Variants in PHACTR1 observed in about 807,000 individuals in gnomAD.
The protein encoded by PHACTR1 is phosphatase and actin regulator 1.
In PHACTR1, 16 loss-of-function variants were observed where a neutral mutation model predicts 69.2. The observed-to-expected ratio is 0.23, with a 90% CI of 0.16 to 0.35. The LOEUF (loss-of-function observed/expected upper bound fraction) is 0.35. Among genes scored for constraint, PHACTR1 ranks in the 10% least tolerant of loss-of-function variants. PHACTR1 has a pLI of 1.00. For missense variants in PHACTR1, 510 were observed against 734.7 expected (o/e 0.69, Z 3.54); for synonymous variants, 312 against 284.5 (o/e 1.10, Z -0.97).
intron 5 of PHACTR1, among the ~76,000 whole-genome samples, chr6:13,100,931 A>G (rs973236453): frequency 6.6e-6 from 1 of 152,226 alleles, no homozygotes; most frequent in African/African-American, 2.4e-5. Flanking sequence ...AGTATACAGT[A>G]CATTAGAATT....
At chr6:12,982,636 G>C (rs897599764) in intron 4 of PHACTR1, among the ~76,000 whole-genome samples, 1 of 152,158 alleles carries the variant, frequency 6.6e-6, no homozygotes, top group Non-Finnish European at 1.5e-5. Flanking sequence ...CTGGGTGACA[G>C]AGCAAGACTC....
chr6:13,246,529 T>A lies in PHACTR1; in HGVS notation c.1391+16336T>A, dbSNP rs2127386491. On this transcript the variant is annotated intron_variant, in intron 10 of 14. Coordinates refer to ENST00000332995, the MANE Select transcript of PHACTR1 (RefSeq NM_030948.6). This position sits in a 1 kb window ranked among gnomAD's most constrained non-coding sequence, Gnocchi z 4.2. Reference sequence around the variant, plus strand: ...TTAATTTAGAGTTGGCCTATTCTTGTGATTCTTTCAAATGATAAGTGAAAC... The same window carrying A: ...TTAATTTAGAGTTGGCCTATTCTTGAGATTCTTTCAAATGATAAGTGAAAC... Among the ~76,000 whole-genome samples the A allele has an allele frequency of 6.6e-6, 1 of 152,372 alleles. No homozygotes were observed. The highest frequency in any genetic ancestry group is 2.1e-4 in the South Asian group (1 of 4,834).
chr6:12,921,891 G>A (rs887229079), intron 4 of PHACTR1, among the ~76,000 whole-genome samples: 1 of 121,176 alleles, frequency 8.3e-6, no homozygotes, highest in Admixed American at 8.6e-5. Context: ...GCTGTGTATT[G>A]CATCTCAGTG....
chr6:13,087,437 A>G (rs1039304341), intron 5 of PHACTR1, among the ~76,000 whole-genome samples: 1 of 151,800 alleles, frequency 6.6e-6, no homozygotes, highest in Admixed American at 6.6e-5. Flanking sequence ...CTTGCAACAT[A>G]GATGAAATAT....
chr6:12,773,239 A>T (rs187501744), intron 4 of PHACTR1, among the ~76,000 whole-genome samples: 1 of 152,328 alleles, frequency 6.6e-6, no homozygotes, highest in Non-Finnish European at 1.5e-5. Flanking sequence ...TGGTAATTTC[A>T]GCTCAATTTT....
At chr6:12,888,764 C>A (rs1343252104) in intron 4 of PHACTR1, among the ~76,000 whole-genome samples, 1 of 152,156 alleles carries the variant, frequency 6.6e-6, no homozygotes, top group East Asian at 1.9e-4. Flanking sequence ...ATATGTATTT[C>A]TCTCTCACGT....
chr6:13,212,833 G>A (rs932068921), intron 8 of PHACTR1, among the ~76,000 whole-genome samples: 4 of 152,078 alleles, frequency 2.6e-5, no homozygotes, highest in Non-Finnish European at 4.4e-5. Context: ...CACCTGCCTC[G>A]GGTCTCTACT....
intron 7 of PHACTR1, among the ~76,000 whole-genome samples, chr6:13,193,643 C>T (rs545426198): frequency 2.2e-4 from 33 of 152,024 alleles, no homozygotes; most frequent in Non-Finnish European, 3.2e-4. Flanking sequence ...CTGCCTCAGC[C>T]TCCCAAGTAA....
intron 7 of PHACTR1, among the ~76,000 whole-genome samples, chr6:13,185,764 G>A (rs1762753968): frequency 6.6e-6 from 1 of 152,140 alleles, no homozygotes; most frequent in African/African-American, 2.4e-5. Context: ...GATGCTGATC[G>A]ACTGCCTTTT....
chr6:13,085,202 G>A (rs573215973), intron 5 of PHACTR1, among the ~76,000 whole-genome samples: 4 of 151,678 alleles, frequency 2.6e-5, no homozygotes, highest in African/African-American at 4.8e-5. Context: ...TGGAAATCCC[G>A]TTATAATCTC....
At chr6:12,729,751 T>A (rs541614954) in intron 3 of PHACTR1, among the ~76,000 whole-genome samples, 5 of 152,222 alleles carry the variant, frequency 3.3e-5, no homozygotes, top group African/African-American at 1.2e-4. Context: ...AGGAGAGGCA[T>A]CAGGAGGCTA....
chr6:12,920,126 C>T (rs1305142334), intron 4 of PHACTR1, among the ~76,000 whole-genome samples: 2 of 152,154 alleles, frequency 1.3e-5, no homozygotes, highest in Non-Finnish European at 2.9e-5. Flanking sequence ...GCTGTTGTTA[C>T]TGTTAACAGA....
At chr6:13,143,470 C>T (rs1284687650) in intron 5 of PHACTR1, among the ~76,000 whole-genome samples, 1 of 152,156 alleles carries the variant, frequency 6.6e-6, no homozygotes, top group East Asian at 1.9e-4. Flanking sequence ...TCTTCTCGAA[C>T]TGTGTGTGCA....
In PHACTR1 at chr6:12,902,977, G is replaced by A. The variant is rs997896708; in HGVS notation, c.251-150388G>A. Among the ~76,000 whole-genome samples, 20 of 152,292 alleles carry A rather than the reference G, an allele frequency of 1.3e-4. No individual in the cohort carries two copies. The East Asian group carries it at 3.7e-3, about 28-fold the overall frequency. ...CCCTTGTGACTGCCTTCCTCCATGA[G>A]TTCCAAACATCCCTGGTGGCTTTTT... On this transcript the variant is annotated intron_variant, in intron 4 of 14. Coordinates refer to ENST00000332995, the MANE Select transcript of PHACTR1 (RefSeq NM_030948.6).
rs1305506469 is a variant in PHACTR1 at position 12,724,708 on chromosome 6, CAG to C, written c.103+5864_103+5865del. Among the ~76,000 whole-genome samples the C allele has an allele frequency of 7.2e-5, 11 of 152,292 alleles. No individual in the cohort carries two copies. The South Asian group carries it at 1.7e-3, about 23-fold the overall frequency. On this transcript the variant is annotated intron_variant, in intron 3 of 14. Coordinates refer to ENST00000332995, the MANE Select transcript of PHACTR1 (RefSeq NM_030948.6). Reference sequence around the variant, plus strand: ...TTCCAGGGATGGTCAAGCTGTGGCTCAGAGTCATTCTGCTGGGAACTCAAATC... The same window carrying C: ...TTCCAGGGATGGTCAAGCTGTGGCTCAGTCATTCTGCTGGGAACTCAAATC...
At chr6:13,150,816 T>G (rs1379473464) in intron 5 of PHACTR1, among the ~76,000 whole-genome samples, 2 of 152,236 alleles carry the variant, frequency 1.3e-5, no homozygotes, top group East Asian at 3.8e-4. Context: ...AAACATCTCT[T>G]TATCTTAAGA....
chr6:12,813,213 C>T (rs1775215234), intron 4 of PHACTR1, among the ~76,000 whole-genome samples: 1 of 152,146 alleles, frequency 6.6e-6, no homozygotes, highest in Non-Finnish European at 1.5e-5. Context: ...CACTGAAACT[C>T]ATTTTTATTT....
chr6:12,858,737 A>G (rs2127421176), intron 4 of PHACTR1, among the ~76,000 whole-genome samples: 1 of 152,158 alleles, frequency 6.6e-6, no homozygotes, highest in East Asian at 1.9e-4. Flanking sequence ...TTCAGTATGC[A>G]GTGAGTTATG....
At chr6:12,942,381 C>G (rs1042565215) in intron 4 of PHACTR1, among the ~76,000 whole-genome samples, 12 of 152,152 alleles carry the variant, frequency 7.9e-5, no homozygotes, top group African/African-American at 2.9e-4. Flanking sequence ...AAGTGATATA[C>G]TACACTTTTG....
Sources: gnomAD v4.1 joint callset for allele counts (sites outside exome capture counted in the v4.1 genomes callset) on GRCh38, gnomAD v4.1.1 for gene constraint, Gnocchi (gnomAD v3.1) non-coding constraint, MANE v1.5 for transcripts, NCBI Gene and HGNC (gene_info 2026-07-23, HGNC 2026-07-21) for gene names.